Variants in LDB3 observed in about 807,000 individuals in gnomAD.
The protein encoded by LDB3 is LIM domain-binding protein 3.
Under a neutral mutation model 69.0 loss-of-function variants are expected in LDB3, and 49 were observed. The ratio of observed to expected loss-of-function variants is 0.71; its 90% CI spans 0.56 to 0.90. LDB3 has a LOEUF of 0.90. Ranked by LOEUF, LDB3 falls within the 40% of genes least tolerant of loss-of-function variation. LDB3 has a pLI of 0.00. For missense variants in LDB3, 928 were observed against 974.1 expected (o/e 0.95, Z 0.63); for synonymous variants, 387 against 396.2 (o/e 0.98, Z 0.28).
At chr10:86,696,409 C>T (rs977829031) in intron 7 of LDB3, among the ~76,000 whole-genome samples, 6 of 152,210 alleles carry the variant, frequency 3.9e-5, no homozygotes, top group African/African-American at 1.2e-4. Context: ...CCCCAGGTGC[C>T]GCTGCCTGAG....
In LDB3 at chr10:86,699,959, T is replaced by C. The variant is rs1846188503; in HGVS notation, c.897-6572T>C. 2.0e-6 allele frequency: 2 copies of C among 998,664 alleles called. No individual in the cohort carries two copies. The highest frequency in any genetic ancestry group is 1.2e-6 in the Non-Finnish European group (1 of 837,084). 61.9% of individuals were successfully genotyped at this position (998,664 alleles called of 1,614,324 possible). On this transcript the variant is annotated intron_variant, in intron 7 of 13. Transcript: ENST00000361373. This position sits in a 1 kb window ranked among gnomAD's most constrained non-coding sequence, Gnocchi z 4.9. ...GGTGAGGTGGGGGCATGCACCCTCCTTTCTGTACCGTGTGTGCTGGCTCCA... is the reference window on the plus strand; with the variant it reads ...GGTGAGGTGGGGGCATGCACCCTCCCTTCTGTACCGTGTGTGCTGGCTCCA...
intron 7 of LDB3, among the ~76,000 whole-genome samples, chr10:86,702,356 A>G (rs1278170587): frequency 6.6e-6 from 1 of 152,068 alleles, no homozygotes; most frequent in Non-Finnish European, 1.5e-5. Flanking sequence ...CAGACATAAT[A>G]TCATAGTTAT....
chr10:86,716,004 C>G (rs1236418028), intron 9 of LDB3, among the ~76,000 whole-genome samples: 1 of 152,154 alleles, frequency 6.6e-6, no homozygotes. Context: ...GTACCCCCAC[C>G]CCCACTCTGC....
intron 9 of LDB3, among the ~76,000 whole-genome samples, chr10:86,714,230 T>C (rs993843522): frequency 3.9e-5 from 6 of 151,962 alleles, no homozygotes; most frequent in Non-Finnish European, 7.4e-5. Flanking sequence ...AACCAGGAGG[T>C]AGTAGAGCTG....
At chr10:86,697,469 C>T (rs902384354) in intron 7 of LDB3, among the ~76,000 whole-genome samples, 3 of 147,852 alleles carry the variant, frequency 2.0e-5, no homozygotes, top group African/African-American at 7.9e-5. Context: ...GATCCACCAG[C>T]CTCGGTCTCC....
At position 86,668,768 on chromosome 10, in the gene LDB3, C is replaced by T; in HGVS notation, c.77C>T (p.Pro26Leu). ...RLQGGKDFNMPLTISRITPGS... is the reference protein window; with the variant it reads ...RLQGGKDFNMLLTISRITPGS... ...CAGGGGGGCAAGGACTTCAACATGC[C>T]CCTCACTATCTCCCGGGTGAGTGCA... The change falls in exon 2 of 14, where the codon CCC becomes CTC. Residue 26 changes from proline to leucine, a missense_variant. Physicochemically the swap from Pro to Leu is moderately conservative, Grantham distance 98. Coordinates refer to ENST00000361373, the MANE Select transcript of LDB3 (RefSeq NM_007078.3). The T allele has an allele frequency of 6.2e-7, 1 of 1,613,096 alleles. No individual in the cohort carries two copies. The highest frequency in any genetic ancestry group is 8.5e-7 in the Non-Finnish European group (1 of 1,179,868).
At chr10:86,698,948 T>A (rs1274626917) in intron 7 of LDB3, among the ~76,000 whole-genome samples, 1 of 152,054 alleles carries the variant, frequency 6.6e-6, no homozygotes, top group Non-Finnish European at 1.5e-5. Context: ...AGGGAGGCCC[T>A]CTTTGCTCAG....
At chr10:86,715,995 T>TACCCCC (rs1846852580) in intron 9 of LDB3, among the ~76,000 whole-genome samples, 1 of 147,614 alleles carries the variant, frequency 6.8e-6, no homozygotes, top group African/African-American at 2.5e-5. Context: ...CCCGCCCAGG[T>TACCCCC]ACCCCCACCC....
chr10:86,716,502 T>C lies in LDB3; in HGVS notation c.1407T>C (p.Tyr469=), dbSNP rs1846880806. 1.0e-5 allele frequency: 16 copies of C among 1,584,930 alleles called. No homozygotes were observed. Among genetic ancestry groups the C allele is most frequent in the Non-Finnish European group, 1.3e-5 (15 of 1,162,834 alleles). ...PAYTPSPAPN[Y]NPAPSVAYSG... Reference sequence around the variant, plus strand: ...ATACCCCCTCACCTGCCCCCAACTATAACCCTGCACCCTCGGTGGCCTACA... The same window carrying C: ...ATACCCCCTCACCTGCCCCCAACTACAACCCTGCACCCTCGGTGGCCTACA... The change falls in exon 10 of 14, where the codon TAT becomes TAC. Residue 469 remains tyrosine, a synonymous_variant. Coordinates refer to ENST00000361373, the MANE Select transcript of LDB3 (RefSeq NM_007078.3).
At chr10:86,730,955 C>A (rs1847433177) in intron 13 of LDB3, among the ~76,000 whole-genome samples, 1 of 151,858 alleles carries the variant, frequency 6.6e-6, no homozygotes, top group Admixed American at 6.6e-5. Flanking sequence ...GAGTTTGAAA[C>A]CAGCCTGGCC....
intron 2 of LDB3, among the ~76,000 whole-genome samples, chr10:86,674,778 G>C (rs1844690929): frequency 6.6e-6 from 1 of 152,148 alleles, no homozygotes; most frequent in Non-Finnish European, 1.5e-5. Flanking sequence ...GAGGAGGATG[G>C]AGTCAGACAA....
chr10:86,685,897 G>C (rs751896834), intron 5 of LDB3, among the ~76,000 whole-genome samples: 3 of 152,110 alleles, frequency 2.0e-5, no homozygotes, highest in Non-Finnish European at 4.4e-5. Context: ...TGGGAGTGGG[G>C]GCTCCATCCG....
At chr10:86,723,671 G>A (rs575194324) in intron 12 of LDB3, among the ~76,000 whole-genome samples, 3 of 152,262 alleles carry the variant, frequency 2.0e-5, no homozygotes, top group South Asian at 2.1e-4. Flanking sequence ...CAACCTGGGC[G>A]GTAACTTTCT....
In LDB3 at chr10:86,679,456, C is replaced by A. The variant is rs1466464578; in HGVS notation, c.183C>A (p.Thr61=). The A allele has an allele frequency of 6.2e-7, 1 of 1,614,140 alleles. No homozygotes were observed. The highest frequency in any genetic ancestry group is 1.1e-5 in the South Asian group (1 of 91,088). Residue 61 remains threonine (T), a synonymous_variant, in exon 3 of 14, where the codon ACC becomes ACA. Coordinates refer to ENST00000361373, the MANE Select transcript of LDB3 (RefSeq NM_007078.3). The part of the protein sequence containing the change: ...AIDGVNTDTM[T]HLEAQNKIKS... ...ACGGCGTCAACACAGACACCATGAC[C>A]CACCTGGAAGCCCAGAACAAGATCA...
chr10:86,724,937 C>T (rs147283230), intron 12 of LDB3, among the ~76,000 whole-genome samples: 285 of 152,298 alleles, frequency 1.9e-3, no homozygotes, highest in Non-Finnish European at 3.5e-3. Flanking sequence ...TTGAACATTT[C>T]TTAATAGAGT....
At chr10:86,705,716 C>T (rs144196369) in intron 7 of LDB3, among the ~76,000 whole-genome samples, 129 of 152,344 alleles carry the variant, frequency 8.5e-4, no homozygotes, top group African/African-American at 3.0e-3. Flanking sequence ...TTCCCAGTTA[C>T]AAGGTCTTTC....
chr10:86,671,806 T>G (rs1269053195), intron 2 of LDB3, among the ~76,000 whole-genome samples: 1 of 152,196 alleles, frequency 6.6e-6, no homozygotes, highest in Non-Finnish European at 1.5e-5. Flanking sequence ...CCTCAGTTTT[T>G]CTCACCCTTA....
intron 2 of LDB3, among the ~76,000 whole-genome samples, chr10:86,672,780 G>A (rs747079456): frequency 2.6e-5 from 4 of 152,256 alleles, no homozygotes; most frequent in Admixed American, 6.5e-5. Flanking sequence ...ACATGAGGCT[G>A]GCTGGGTCCT....
chr10:86,716,677 G>C lies in LDB3; in HGVS notation c.1582G>C (p.Val528Leu). The change falls in exon 10 of 14, where the codon GTG becomes CTG. Residue 528 changes from valine to leucine, a missense_variant. Coordinates refer to ENST00000361373, the MANE Select transcript of LDB3 (RefSeq NM_007078.3). ...GPAYTPAGPQ[V>L]PPLARGTVQR... is the part of the protein sequence containing the mutation. Reference sequence around the variant, plus strand: ...AGCCTACACCCCAGCGGGTCCTCAGGTGCCACCACTTGCCAGGGGGACCGT... The same window carrying C: ...AGCCTACACCCCAGCGGGTCCTCAGCTGCCACCACTTGCCAGGGGGACCGT... 1 of 1,613,884 alleles carries C rather than the reference G, an allele frequency of 6.2e-7. No individual in the cohort carries two copies. Among genetic ancestry groups the C allele is most frequent in the Non-Finnish European group, 8.5e-7 (1 of 1,179,992 alleles).
Sources: gnomAD v4.1 joint callset for allele counts (sites outside exome capture counted in the v4.1 genomes callset) on GRCh38, gnomAD v4.1.1 for gene constraint, Gnocchi (gnomAD v3.1) non-coding constraint, MANE v1.5 for transcripts, NCBI Gene and HGNC (gene_info 2026-07-23, HGNC 2026-07-21) for gene names.